TDRKH: variants seen among roughly 807,000 people sequenced by gnomAD.
The protein encoded by TDRKH is tudor and KH domain-containing protein.
A neutral mutation model predicts 61.3 loss-of-function variants in TDRKH; 28 were observed. The observed-to-expected ratio is 0.46, with a 90% confidence interval of 0.34 to 0.63. The LOEUF is 0.63. TDRKH is among the 20% of genes least tolerant of loss of function. The pLI is 0.01. For missense variants in TDRKH, 540 were observed against 683.4 expected (o/e 0.79, Z 2.34); for synonymous variants, 219 against 244.4 (o/e 0.90, Z 0.97).
Position 151,774,486 on chromosome 1 carries a change from C to T in TDRKH, c.1652G>A (p.Gly551Asp), listed in dbSNP as rs768914173. 1 of 1,614,100 alleles carries T rather than the reference C, an allele frequency of 6.2e-7. No individual in the cohort carries two copies. Among genetic ancestry groups the T allele is most frequent in the African/African-American group, 1.3e-5 (1 of 75,028 alleles). ...GTAGTCATCTTCAAGGTTATCATCACCAGACATGGAAGCAGCTTCTATTGA... is the reference window on the plus strand; with the variant it reads ...GTAGTCATCTTCAAGGTTATCATCATCAGACATGGAAGCAGCTTCTATTGA... The part of the protein sequence containing the change: ...LSLSEAASMS[G>D]DDNLEDDYLL Residue 551 changes from glycine (G) to aspartate (D), a missense_variant, in exon 13 of 13, where the codon GGT becomes GAT. Physicochemically the swap from Gly to Asp is moderately conservative, Grantham distance 94. Around this residue, in one of 3 missense-constraint regions of TDRKH, gnomAD observed 379 missense variants for 443.8 expected, o/e 0.85. Transcript: ENST00000368824.
At chr1:151,775,204 G>A in intron 10 of TDRKH, 38 bp from the exon 11 acceptor site, 1 of 1,606,978 alleles carries the variant, frequency 6.2e-7, no homozygotes, top group Non-Finnish European at 8.5e-7. Flanking sequence ...TGTTCTCTCA[G>A]TAAGCAAGGG....
At chr1:151,776,910 T>A (rs1649237781) in intron 6 of TDRKH, among the ~76,000 whole-genome samples, 1 of 152,204 alleles carries the variant, frequency 6.6e-6, no homozygotes, top group Non-Finnish European at 1.5e-5. Context: ...AAAAGGTATA[T>A]GGACAGCAAT....
At chr1:151,766,860 GA>G (rs1393035142), downstream of TDRKH, 2 of 1,612,704 alleles carry the variant, frequency 1.2e-6, no homozygotes, top group South Asian at 2.2e-5. Flanking sequence ...CACTCTCCGG[GA>G]GAAGATGCTG....
At chr1:151,767,018 T>C (rs1648381211), downstream of TDRKH, 2 of 1,400,302 alleles carry the variant, frequency 1.4e-6, no homozygotes, top group Admixed American at 2.1e-5. Context: ...CATGGAACTT[T>C]AGAATTTTTC....
At chr1:151,766,824 T>C (rs749659429), downstream of TDRKH, 1 of 1,610,448 alleles carries the variant, frequency 6.2e-7, no homozygotes. Flanking sequence ...ATACGCCTAT[T>C]ACCTTTACTG....
chr1:151,778,601 AG>A, intron 6 of TDRKH, 83 bp downstream of exon 6: 3 of 1,597,710 alleles, frequency 1.9e-6, no homozygotes, highest in Non-Finnish European at 2.6e-6. Context: ...GCTCAGACTG[AG>A]AAGGCATTCC....
At chr1:151,770,834 G>T (rs980407291), downstream of TDRKH, among the ~76,000 whole-genome samples, 6 of 152,192 alleles carry the variant, frequency 3.9e-5, no homozygotes, top group Non-Finnish European at 7.3e-5. Context: ...CTGTGAGGAG[G>T]AAGGTTCTAT....
intron 12 of TDRKH, 38 bp from the exon 13 acceptor site, chr1:151,774,542 G>C: frequency 6.2e-7 from 1 of 1,611,170 alleles, no homozygotes; most frequent in South Asian, 1.1e-5. Context: ...GTTAGACACT[G>C]CCCTATTCTA....
downstream of TDRKH, chr1:151,771,860 C>T: frequency 2.5e-6 from 1 of 398,372 alleles, no homozygotes; most frequent in Non-Finnish European, 4.4e-6. Context: ...TACTCATTTT[C>T]CAGGGTAGGA....
chr1:151,781,832 T>A, intron 2 of TDRKH: 1 of 488,372 alleles, frequency 2.0e-6, no homozygotes, highest in South Asian at 2.1e-5. Context: ...GATTCTGCAA[T>A]AAACAGGTGC....
downstream of TDRKH, chr1:151,771,103 A>C: frequency 6.2e-7 from 1 of 1,603,250 alleles, no homozygotes; most frequent in South Asian, 1.1e-5. Flanking sequence ...CTTCAGCTAC[A>C]TGGGCTTTGA....
At chr1:151,770,193 C>G (rs765364327), downstream of TDRKH, 1 of 1,613,756 alleles carries the variant, frequency 6.2e-7, no homozygotes, top group Admixed American at 1.7e-5. Flanking sequence ...CCCTGGAGTA[C>G]GTGGAAGAGA....
At chr1:151,783,207 G>A in intron 1 of TDRKH, 158 bp from the exon 2 acceptor site, 1 of 518,652 alleles carries the variant, frequency 1.9e-6, no homozygotes, top group Non-Finnish European at 3.1e-6. Flanking sequence ...ATATAAAAAG[G>A]GCTCAGGGTA....
chr1:151,772,221 C>T (rs1293821117), downstream of TDRKH, among the ~76,000 whole-genome samples: 3 of 152,090 alleles, frequency 2.0e-5, no homozygotes, highest in African/African-American at 7.2e-5. Flanking sequence ...CCACCTCAGC[C>T]TCTCAAGTAG....
intron 2 of TDRKH, 109 bp from the exon 3 acceptor site, chr1:151,781,696 A>G: frequency 1.1e-6 from 1 of 896,916 alleles, no homozygotes; most frequent in East Asian, 2.5e-5. Flanking sequence ...TCCAAGAGAT[A>G]AAGTGAGGAT....
chr1:151,768,690 A>G (rs1237158157), downstream of TDRKH, among the ~76,000 whole-genome samples: 1 of 152,018 alleles, frequency 6.6e-6, no homozygotes, highest in Non-Finnish European at 1.5e-5. Flanking sequence ...GTATTTATTG[A>G]TCATTCTTGG....
chr1:151,775,999 G>A lies in TDRKH; in HGVS notation c.1217+97C>T, dbSNP rs1373445566. 4 of 1,568,162 alleles carry A rather than the reference G, an allele frequency of 2.6e-6. No individual in the cohort carries two copies. In the South Asian group the frequency reaches 4.6e-5, roughly 18 times the overall value. ...GATAACCATCTGCTCTCTGTAAACAGGTTCCCTTCCAAATCCCCCTGACAA... is the reference window on the plus strand; with the variant it reads ...GATAACCATCTGCTCTCTGTAAACAAGTTCCCTTCCAAATCCCCCTGACAA... On this transcript the variant is annotated intron_variant, in intron 8 of 12. Coordinates refer to ENST00000368824, the MANE Select transcript of TDRKH (RefSeq NM_001083965.2).
intron 6 of TDRKH, among the ~76,000 whole-genome samples, chr1:151,777,719 A>ATTTT (rs35582886): frequency 0.042 from 5,493 of 129,656 alleles, 424 homozygotes; most frequent in African/African-American, 0.13. Flanking sequence ...AAAATAGTTA[A>ATTTT]TTTTTTTTTT....
chr1:151,779,049 G>C, intron 5 of TDRKH, 43 bp from the exon 6 acceptor site: 2 of 1,612,152 alleles, frequency 1.2e-6, no homozygotes, highest in Non-Finnish European at 1.7e-6. Context: ...ACCTGGGATA[G>C]AGTAAAAGGA....
Sources: gnomAD v4.1 joint callset for allele counts (sites outside exome capture counted in the v4.1 genomes callset) on GRCh38, gnomAD v4.1.1 for gene constraint, gnomAD v4.1.1 regional missense constraint, MANE v1.5 for transcripts, NCBI Gene and HGNC (gene_info 2026-07-23, HGNC 2026-07-21) for gene names.